The following ITCH variants were observed in gnomAD, a reference collection of about 807,000 sequenced individuals.
ITCH encodes E3 ubiquitin-protein ligase Itchy homolog.
In ITCH, 28 loss-of-function variants were observed where a neutral mutation model predicts 126.8. That is an observed-to-expected ratio of 0.22 (90% CI 0.16 to 0.30). The LOEUF is 0.30. Ranked by LOEUF, ITCH falls within the 10% of genes least tolerant of loss-of-function variation. The pLI is 1.00. For synonymous variants in ITCH, 342 were observed against 340.0 expected, an observed-to-expected ratio of 1.01 and a Z score of -0.06; for missense variants, 631 against 1,032.4, an observed-to-expected ratio of 0.61 and a Z score of 5.33.
chr20:34,466,638 G>A (rs1190817719), intron 14 of ITCH, among the ~76,000 whole-genome samples: 3 of 152,098 alleles, frequency 2.0e-5, no homozygotes, highest in Non-Finnish European at 2.9e-5. Context: ...AGATAGAAGT[G>A]TATTTGTCCC....
intron 2 of ITCH, among the ~76,000 whole-genome samples, chr20:34,393,239 G>A (rs564446611): frequency 4.6e-5 from 7 of 152,256 alleles, no homozygotes; most frequent in Admixed American, 3.9e-4. Flanking sequence ...GGTCAGGTGT[G>A]GTGGCTCACG....
chr20:34,376,364 A>C (rs1163172827), intron 2 of ITCH, among the ~76,000 whole-genome samples: 1 of 151,914 alleles, frequency 6.6e-6, no homozygotes, highest in Non-Finnish European at 1.5e-5. Context: ...TTGAGACTGC[A>C]GTGAGCTCAT....
At chr20:34,503,942 C>T (rs749219931) in intron 23 of ITCH, among the ~76,000 whole-genome samples, 20 of 131,738 alleles carry the variant, frequency 1.5e-4, no homozygotes, top group South Asian at 2.4e-4. Flanking sequence ...AGTGTAGTGG[C>T]GCAATCTTGA....
At chr20:34,460,990 C>T (rs1384159669) in intron 13 of ITCH, among the ~76,000 whole-genome samples, 1 of 152,120 alleles carries the variant, frequency 6.6e-6, no homozygotes, top group Non-Finnish European at 1.5e-5. Context: ...CACTGCACTC[C>T]ACCCTGGGCA....
chr20:34,386,258 C>T (rs2038281037), intron 2 of ITCH, among the ~76,000 whole-genome samples: 1 of 152,104 alleles, frequency 6.6e-6, no homozygotes, highest in African/African-American at 2.4e-5. Flanking sequence ...GCCACCACAC[C>T]TGGCTAAGGT....
chr20:34,366,584 G>C (rs1396097245), intron 1 of ITCH, among the ~76,000 whole-genome samples: 1 of 152,010 alleles, frequency 6.6e-6, no homozygotes, highest in Non-Finnish European at 1.5e-5. Context: ...AATAGATACA[G>C]GGCTGGGCTC....
rs376184616 is a variant in ITCH at position 34,479,301 on chromosome 20, A to G, written c.1659-329A>G. Among the ~76,000 whole-genome samples, 13 of 152,346 alleles carry G rather than the reference A, an allele frequency of 8.5e-5. 1 individual carries two copies. The highest frequency in any genetic ancestry group is 2.9e-4 in the African/African-American group (12 of 41,584). On this transcript the variant is annotated intron_variant, in intron 17 of 24. Transcript: ENST00000374864. The stretch of plus-strand genomic sequence containing the variant: ...ATAGTATTTCATTGATTCTAAGACT[A>G]ATATTTTCATTTTATAATATCTCTG...
At chr20:34,373,737 A>G (rs1029260773) in intron 2 of ITCH, among the ~76,000 whole-genome samples, 4 of 152,124 alleles carry the variant, frequency 2.6e-5, no homozygotes, top group African/African-American at 4.8e-5. Flanking sequence ...TTTTAATACT[A>G]TGTCGTCACT....
At chr20:34,437,120 CGCTGTCT>C in intron 7 of ITCH, among the ~76,000 whole-genome samples, 1 of 151,170 alleles carries the variant, frequency 6.6e-6, no homozygotes, top group South Asian at 2.1e-4. Context: ...TGGAATGAGA[CGCTGTCT>C]CAAAAAAAAA....
intron 12 of ITCH, among the ~76,000 whole-genome samples, chr20:34,450,712 GA>G (rs1171525921): frequency 1.3e-5 from 2 of 152,114 alleles, no homozygotes; most frequent in African/African-American, 4.8e-5. Context: ...ATAATATTGG[GA>G]TAAATTCAGA....
At chr20:34,384,145 C>T (rs2038177084) in intron 2 of ITCH, 1 of 117,938 alleles carries the variant, frequency 8.5e-6, no homozygotes, top group South Asian at 2.7e-4. Flanking sequence ...TGTGTCCGGC[C>T]TCTTTTTTTT....
intron 13 of ITCH, among the ~76,000 whole-genome samples, chr20:34,457,906 G>A (rs913230873): frequency 2.0e-5 from 3 of 152,010 alleles, no homozygotes; most frequent in Non-Finnish European, 4.4e-5. Context: ...CTATGATTGT[G>A]CCAGTACACT....
intron 16 of ITCH, among the ~76,000 whole-genome samples, chr20:34,474,330 C>G (rs2146435385): frequency 6.6e-6 from 1 of 152,310 alleles, no homozygotes; most frequent in Non-Finnish European, 1.5e-5. Context: ...GTGTTTGTGT[C>G]CCTGGGTACT....
At position 34,511,746 on chromosome 20, in the gene ITCH, T is replaced by C. The variant is rs1237856269; in HGVS notation, c.*3952T>C. ...TAAGCTATATGTCTACATGTGAGTG[T>C]ACATTCATCTAAAGACATAAGTGAT... On this transcript the variant is annotated 3_prime_UTR_variant, in exon 25 of 25. Coordinates refer to ENST00000374864, the MANE Select transcript of ITCH (RefSeq NM_031483.7). 6.6e-6 allele frequency among the ~76,000 whole-genome samples: 1 copy of C among 152,266 alleles called. No individual in the cohort carries two copies. The highest frequency in any genetic ancestry group is 1.5e-5 in the Non-Finnish European group (1 of 68,050).
intron 6 of ITCH, among the ~76,000 whole-genome samples, chr20:34,418,246 C>T (rs1176881545): frequency 2.0e-5 from 3 of 152,070 alleles, no homozygotes; most frequent in East Asian, 1.9e-4. Context: ...TTTATAGGCA[C>T]GAACCACCAC....
In ITCH at chr20:34,510,954, A is replaced by C. The variant is rs1978734171; in HGVS notation, c.*3160A>C. 6.6e-6 allele frequency: 1 copy of C among 152,132 alleles called. No individual in the cohort carries two copies. The highest frequency in any genetic ancestry group is 2.4e-5 in the African/African-American group (1 of 41,414). The allele number at this position is 152,132 out of a possible 1,614,324, so 9.4% of individuals were successfully genotyped here. ...TAAATGAACTATTTCAGTCAAGCCCACTCTACCACTTTTTACTTATCTGGT... is the reference window on the plus strand; with the variant it reads ...TAAATGAACTATTTCAGTCAAGCCCCCTCTACCACTTTTTACTTATCTGGT... On this transcript the variant is annotated 3_prime_UTR_variant, in exon 25 of 25. Coordinates refer to ENST00000374864, the MANE Select transcript of ITCH (RefSeq NM_031483.7).
chr20:34,502,536 C>A (rs900356076), intron 23 of ITCH, among the ~76,000 whole-genome samples: 7 of 151,146 alleles, frequency 4.6e-5, no homozygotes, highest in African/African-American at 1.7e-4. Flanking sequence ...CATAGTGAAA[C>A]CCCATCTCTA....
intron 3 of ITCH, among the ~76,000 whole-genome samples, chr20:34,401,825 A>G (rs1361854699): frequency 7.9e-5 from 12 of 152,172 alleles, no homozygotes; most frequent in Non-Finnish European, 1.3e-4. Context: ...AACAATTCCA[A>G]TTAGTCTGTT....
intron 13 of ITCH, among the ~76,000 whole-genome samples, chr20:34,457,784 CAA>C (rs747649347): frequency 6.6e-6 from 1 of 151,548 alleles, no homozygotes; most frequent in African/African-American, 2.4e-5. Context: ...CCTGTCTCTA[CAA>C]AAAAAATCCC....
Sources: gnomAD v4.1 joint callset for allele counts (sites outside exome capture counted in the v4.1 genomes callset) on GRCh38, gnomAD v4.1.1 for gene constraint, MANE v1.5 for transcripts, NCBI Gene and HGNC (gene_info 2026-07-23, HGNC 2026-07-21) for gene names.